The following MRPS31 variants were observed in gnomAD, a reference collection of about 807,000 sequenced individuals.
The protein encoded by MRPS31 is mitochondrial ribosomal protein S31, also known as small ribosomal subunit protein mS31.
Under a neutral mutation model 43.1 loss-of-function variants are expected in MRPS31, and 32 were observed. The ratio of observed to expected loss-of-function variants is 0.74; its 90% CI spans 0.56 to 1.00. The LOEUF (loss-of-function observed/expected upper bound fraction) is 1.00, where lower values mean the gene tolerates loss of function less well. MRPS31 is among the 50% of genes least tolerant of loss of function. The pLI is 0.00. For missense variants in MRPS31, 437 were observed against 466.7 expected, an observed-to-expected ratio of 0.94 and a Z score of 0.59; for synonymous variants, 165 against 161.6, an observed-to-expected ratio of 1.02 and a Z score of -0.16.
intron 6 of MRPS31, among the ~76,000 whole-genome samples, chr13:40,738,957 G>T (rs1486037768): frequency 6.6e-6 from 1 of 152,124 alleles, no homozygotes; most frequent in Non-Finnish European, 1.5e-5. Context: ...GCAGTAGAAA[G>T]AAATAAAGGG....
At chr13:40,731,576 T>C (rs1184903098) in intron 6 of MRPS31, among the ~76,000 whole-genome samples, 6 of 141,956 alleles carry the variant, frequency 4.2e-5, no homozygotes, top group South Asian at 2.2e-4. Flanking sequence ...AGTGAGACTC[T>C]GTCCAAAAAA....
At chr13:40,768,348 A>ATAT in intron 1 of MRPS31, among the ~76,000 whole-genome samples, 1 of 139,360 alleles carries the variant, frequency 7.2e-6, no homozygotes, top group African/African-American at 2.9e-5. Context: ...TCAAACTTTA[A>ATAT]GCTTAGCCCC....
At chr13:40,762,149 G>A (rs1013994263) in intron 2 of MRPS31, among the ~76,000 whole-genome samples, 5 of 151,964 alleles carry the variant, frequency 3.3e-5, no homozygotes, top group East Asian at 3.9e-4. Flanking sequence ...GGGAGGCTGC[G>A]GTGGGAGGAT....
At chr13:40,736,878 GA>G (rs1425769388) in intron 6 of MRPS31, among the ~76,000 whole-genome samples, 7 of 150,216 alleles carry the variant, frequency 4.7e-5, no homozygotes, top group Non-Finnish European at 1.0e-4. Context: ...ATCAACTAAC[GA>G]GCAAAATAAC....
intron 6 of MRPS31, among the ~76,000 whole-genome samples, chr13:40,741,888 T>TACAC (rs61011673): frequency 0.02 from 2,879 of 140,776 alleles, 98 homozygotes; most frequent in East Asian, 0.14. Context: ...AGTAACAAAA[T>TACAC]ACACACACAC....
chr13:40,734,411 T>A (rs1361438163), intron 6 of MRPS31, among the ~76,000 whole-genome samples: 1 of 152,130 alleles, frequency 6.6e-6, no homozygotes, highest in Non-Finnish European at 1.5e-5. Flanking sequence ...CAGCTCCAGG[T>A]ACCCATGGAC....
intron 6 of MRPS31, among the ~76,000 whole-genome samples, chr13:40,737,793 T>G (rs1005614907): frequency 6.6e-6 from 1 of 151,452 alleles, no homozygotes; most frequent in Admixed American, 6.6e-5. Context: ...AAGCAGTGTG[T>G]AGAGGGAAAT....
intron 6 of MRPS31, chr13:40,730,927 A>G (rs983681516): frequency 3.3e-5 from 5 of 152,152 alleles, no homozygotes; most frequent in African/African-American, 1.2e-4. Flanking sequence ...TTTAAAATAC[A>G]TAAATAAGAT....
chr13:40,738,577 A>C (rs1011007077), intron 6 of MRPS31, among the ~76,000 whole-genome samples: 1 of 152,110 alleles, frequency 6.6e-6, no homozygotes, highest in Non-Finnish European at 1.5e-5. Flanking sequence ...GCACATCAAA[A>C]AGCTTATCCA....
At chr13:40,764,418 C>T (rs1880786249) in intron 2 of MRPS31, among the ~76,000 whole-genome samples, 1 of 152,022 alleles carries the variant, frequency 6.6e-6, no homozygotes, top group African/African-American at 2.4e-5. Context: ...AGAACCTGCA[C>T]ATACAGAGGA....
intron 4 of MRPS31, 79 bp from the exon 5 acceptor site, chr13:40,754,171 G>A (rs1880467435): frequency 1.5e-5 from 12 of 792,948 alleles, no homozygotes; most frequent in Non-Finnish European, 2.2e-5. Context: ...AATATCTTAA[G>A]TGAAATATTC....
intron 5 of MRPS31, among the ~76,000 whole-genome samples, chr13:40,750,640 T>C (rs1290679743): frequency 6.6e-6 from 1 of 151,172 alleles, no homozygotes; most frequent in Non-Finnish European, 1.5e-5. Flanking sequence ...ATCTTTTATC[T>C]TTCTTATTTT....
chr13:40,766,704 T>C lies in MRPS31; in HGVS notation c.440+42A>G, dbSNP rs1322985049. 2.6e-6 allele frequency: 4 copies of C among 1,530,902 alleles called. No homozygotes were observed. The African/African-American group carries it at 5.6e-5, about 21-fold the overall frequency. 94.8% of individuals were successfully genotyped at this position (1,530,902 alleles called of 1,614,324 possible). On this transcript the variant is annotated intron_variant, in intron 2 of 6. Transcript: ENST00000323563. The stretch of plus-strand genomic sequence containing the variant: ...ATATTTTTTACCAAAACAAAAAGCT[T>C]ACTGGAGTTTCAAACAACATCTGAA...
intron 6 of MRPS31, among the ~76,000 whole-genome samples, chr13:40,747,750 T>G (rs749169988): frequency 1.3e-5 from 2 of 151,746 alleles, no homozygotes; most frequent in African/African-American, 2.4e-5. Flanking sequence ...GGCTGAGGCA[T>G]GAGAATTGCT....
rs565325817 is a variant in MRPS31 at position 40,744,645 on chromosome 13, A to G, written c.958+4493T>C. Among the ~76,000 whole-genome samples the G allele has an allele frequency of 1.7e-4, 26 of 151,760 alleles. No individual in the cohort carries two copies. In the South Asian group the frequency reaches 5.4e-3, roughly 32 times the overall value. On this transcript the variant is annotated intron_variant, in intron 6 of 6. Coordinates refer to ENST00000323563, the MANE Select transcript of MRPS31 (RefSeq NM_005830.4). ...GGCGCGACCTCTGCCTCCCAGGTTC[A>G]AGCAATGTATGTTCACTGCAGCACT...
intron 6 of MRPS31, among the ~76,000 whole-genome samples, chr13:40,746,688 A>G (rs1364550078): frequency 6.6e-6 from 1 of 152,180 alleles, no homozygotes; most frequent in Non-Finnish European, 1.5e-5. Flanking sequence ...CTAACACCCT[A>G]TTTGGTGGTT....
At position 40,770,965 on chromosome 13, in the gene MRPS31, G is replaced by C. The variant is rs1402002028; in HGVS notation, c.152+20C>G. 4 of 1,613,886 alleles carry C rather than the reference G, an allele frequency of 2.5e-6. No individual in the cohort carries two copies. Among genetic ancestry groups the C allele is most frequent in the Middle Eastern group, 1.7e-4 (1 of 6,060 alleles). ...TCGGAGGATGTACAGGACGGGGCACGGGGTTGCCTGAGGACCTACCGGGCC... is the reference window on the plus strand; with the variant it reads ...TCGGAGGATGTACAGGACGGGGCACCGGGTTGCCTGAGGACCTACCGGGCC... On this transcript the variant is annotated intron_variant, in intron 1 of 6. Coordinates refer to ENST00000323563, the MANE Select transcript of MRPS31 (RefSeq NM_005830.4).
At chr13:40,756,533 T>C (rs1880531261) in intron 4 of MRPS31, among the ~76,000 whole-genome samples, 1 of 152,224 alleles carries the variant, frequency 6.6e-6, no homozygotes, top group Admixed American at 6.5e-5. Flanking sequence ...TAGACACTTA[T>C]TTTTAAAATG....
chr13:40,756,823 G>GT, intron 4 of MRPS31, 50 bp downstream of exon 4: 2 of 1,598,092 alleles, frequency 1.3e-6, no homozygotes, highest in Non-Finnish European at 1.7e-6. Context: ...TACAGTTAAG[G>GT]TAAAAACAAA....
Sources: allele counts gnomAD v4.1 joint callset (sites outside exome capture counted in the v4.1 genomes callset), GRCh38; gene constraint gnomAD v4.1.1; transcripts MANE v1.5; gene names NCBI Gene and HGNC (gene_info 2026-07-23, HGNC 2026-07-21).